Variants in CHRNA2 observed in about 807,000 individuals in gnomAD.
CHRNA2 encodes neuronal acetylcholine receptor subunit alpha-2.
CHRNA2 carries 40 observed loss-of-function variants against 45.5 expected under a neutral mutation model. That is an observed-to-expected ratio of 0.88 (90% CI 0.68 to 1.15). CHRNA2 has a LOEUF of 1.15. Among genes scored for constraint, CHRNA2 ranks in the 50% most tolerant of loss-of-function variants. The probability of loss-of-function intolerance (pLI) is 0.00; values close to 1 mark genes in which losing one functional copy is unlikely to be tolerated. For missense variants in CHRNA2, 655 were observed against 701.7 expected, an observed-to-expected ratio of 0.93 and a Z score of 0.75; for synonymous variants, 301 against 296.7, an observed-to-expected ratio of 1.01 and a Z score of -0.15.
At chr8:27,469,692 G>T in intron 3 of CHRNA2, 69 bp downstream of exon 3, 1 of 1,579,226 alleles carries the variant, frequency 6.3e-7, no homozygotes, top group Non-Finnish European at 8.7e-7. Context: ...GTAGAGGAAG[G>T]AGCAGGGGGA....
At position 27,469,574 on chromosome 8, in the gene CHRNA2, T is replaced by A. The variant is rs375118890; in HGVS notation, c.294+187A>T. The A allele has an allele frequency of 1.7e-5, 15 of 873,474 alleles. No homozygotes were observed. The South Asian group carries it at 2.1e-4, about 13-fold the overall frequency. 54.1% of individuals were successfully genotyped at this position (873,474 alleles called of 1,614,324 possible). ...CAGGCACTGCTGCCAATCAATGCCC[T>A]CCTAGGAGGGAGCTCCAGAGCTGGG... On this transcript the variant is annotated intron_variant, in intron 3 of 6. Transcript: ENST00000407991.
chr8:27,463,122 G>T lies in CHRNA2; in HGVS notation c.1321C>A (p.His441Asn). Residue 441 changes from histidine to asparagine, a missense_variant, in exon 6 of 7, where the codon CAC becomes AAC. His to Asn is a moderately conservative substitution (Grantham distance 68). Transcript: ENST00000407991. This position sits in a 1 kb window ranked among gnomAD's most constrained non-coding sequence, Gnocchi z 6.1. ...GGACCTGAGGCCCCAGAGTGCAGGT[G>T]GCCGTGGCTGCAGAGGGTGCCCACA... ...PSVGTLCSHG[H>N]LHSGASGPKA... The T allele has an allele frequency of 6.2e-7, 1 of 1,608,114 alleles. No individual in the cohort carries two copies. The highest frequency in any genetic ancestry group is 8.5e-7 in the Non-Finnish European group (1 of 1,175,046).
At position 27,476,995 on chromosome 8, in the gene CHRNA2, TA is replaced by T. The variant is rs61306318; in HGVS notation, c.-137+1828del. On this transcript the variant is annotated intron_variant, in intron 1 of 6. Coordinates refer to ENST00000407991, the MANE Select transcript of CHRNA2 (RefSeq NM_000742.4). ...GATATAATTATCCCTTTCATGTAAG[TA>T]AAAAAAAAAAAAAACTGATGTTCAG... is the stretch of plus-strand genomic sequence containing the variant. Among the ~76,000 whole-genome samples the T allele has an allele frequency of 1.7e-3, 211 of 120,904 alleles. 2 individuals carry two copies. Among genetic ancestry groups the T allele is most frequent in the South Asian group, 0.014 (51 of 3,678 alleles). The allele number at this position is 120,904 out of a possible 152,430, so 79.3% of individuals were successfully genotyped here. A position where few individuals can be genotyped will look rare whatever the true frequency, so the allele number is the denominator to read the frequency against.
At chr8:27,467,405 C>T in intron 4 of CHRNA2, 67 bp from the exon 5 acceptor site, 1 of 1,290,142 alleles carries the variant, frequency 7.8e-7, no homozygotes, top group Non-Finnish European at 1.1e-6. Context: ...AGCTAGCACA[C>T]CCCGGGGATG....
Position 27,462,996 on chromosome 8 carries a change from C to T in CHRNA2, c.1447G>A (p.Glu483Lys), listed in dbSNP as rs755338508. 7 of 1,614,126 alleles carry T rather than the reference C, an allele frequency of 4.3e-6. No homozygotes were observed. Among genetic ancestry groups the T allele is most frequent in the Non-Finnish European group, 5.9e-6 (7 of 1,180,042 alleles). ...VHYIADHLRSEDADSSVKEDW... is the reference protein window; with the variant it reads ...VHYIADHLRSKDADSSVKEDW... ...CAACGCACCGAAGAGTCAGCATCCT[C>T]AGACCGCAGGTGGTCGGCAATGTAG... The change falls in exon 6 of 7, where the codon GAG (glutamate) becomes AAG (lysine). Residue 483 changes from glutamate to lysine, a missense_variant. Physicochemically the swap from Glu to Lys is moderately conservative, Grantham distance 56. Coordinates refer to ENST00000407991, the MANE Select transcript of CHRNA2 (RefSeq NM_000742.4).
Position 27,461,694 on chromosome 8 carries a change from T to TA in CHRNA2, c.1524dup (p.Ile509TyrfsTer36), listed in dbSNP as rs775950981. The TA allele has an allele frequency of 6.2e-7, 1 of 1,614,150 alleles. No individual in the cohort carries two copies. Among genetic ancestry groups the TA allele is most frequent in the East Asian group, 2.2e-5 (1 of 44,884 alleles). On this transcript the variant is annotated frameshift_variant, in exon 7 of 7. Transcript: ENST00000407991. LOFTEE classifies it high-confidence loss of function. ...ATGGTCCCCAGGAAGCAGACGATGA[T>TA]AAACAGCCAGAGGAAGATCCTGTCG...
At position 27,463,375 on chromosome 8, in the gene CHRNA2, G is replaced by C. The variant is rs745774113; in HGVS notation, c.1068C>G (p.Ser356=). The C allele has an allele frequency of 6.2e-7, 1 of 1,614,116 alleles. No individual in the cohort carries two copies. Among genetic ancestry groups the C allele is most frequent in the South Asian group, 1.1e-5 (1 of 91,086 alleles). ...AGTGGGGCATGGTGTGGGTGCTGGGGGAGCGGTGGTGCACATTGAGCACGA... is the reference window on the plus strand; with the variant it reads ...AGTGGGGCATGGTGTGGGTGCTGGGCGAGCGGTGGTGCACATTGAGCACGA... ...TVFVLNVHHR[S]PSTHTMPHWV... is the part of the protein sequence containing the mutation. Residue 356 remains serine, a synonymous_variant, in exon 6 of 7, where the codon TCC becomes TCG. Transcript: ENST00000407991. This position sits in a 1 kb window ranked among gnomAD's most constrained non-coding sequence, Gnocchi z 6.1.
In CHRNA2 at chr8:27,469,332, C is replaced by T; in HGVS notation, c.339+3G>A. 1 of 1,555,092 alleles carries T rather than the reference C, an allele frequency of 6.4e-7. No homozygotes were observed. The highest frequency in any genetic ancestry group is 8.7e-7 in the Non-Finnish European group (1 of 1,148,718). On this transcript the variant is annotated splice_donor_region_variant and intron_variant, in intron 4 of 6. Transcript: ENST00000407991. ...ACCTGGACTGGAGGAGGGGGGCCCT[C>T]ACCTGTTTTAGCCAGACGTTGGTGG...
chr8:27,472,789 G>A (rs1482239283), intron 1 of CHRNA2, among the ~76,000 whole-genome samples: 2 of 151,974 alleles, frequency 1.3e-5, no homozygotes, highest in African/African-American at 4.8e-5. Flanking sequence ...CTTTAAATGG[G>A]GGAATTTTAT....
intron 1 of CHRNA2, among the ~76,000 whole-genome samples, chr8:27,475,796 G>A (rs116051508): frequency 6.6e-6 from 1 of 152,190 alleles, no homozygotes; most frequent in Non-Finnish European, 1.5e-5. Context: ...TAGGAAATGG[G>A]ATCGCTACAT....
intron 5 of CHRNA2, among the ~76,000 whole-genome samples, chr8:27,464,229 A>G (rs1054764289): frequency 6.6e-6 from 1 of 152,182 alleles, no homozygotes; most frequent in Non-Finnish European, 1.5e-5. Flanking sequence ...GAATAGAAGG[A>G]AGTACCAAGA....
chr8:27,463,916 G>T lies in CHRNA2; in HGVS notation c.527C>A (p.Pro176Gln), dbSNP rs769273715. 6 of 1,614,108 alleles carry T rather than the reference G, an allele frequency of 3.7e-6. No homozygotes were observed. The Admixed American group carries it at 1.0e-4, about 27-fold the overall frequency. Residue 176 changes from proline (P) to glutamine (Q), a missense_variant, in exon 6 of 7, where the codon CCG becomes CAG. By Grantham distance (76) the Pro-to-Gln change is moderately conservative (BLOSUM62 -1). Coordinates refer to ENST00000407991, the MANE Select transcript of CHRNA2 (RefSeq NM_000742.4). This position sits in a 1 kb window ranked among gnomAD's most constrained non-coding sequence, Gnocchi z 6.1. Reference protein sequence around the residue: ...FSTGTVHWVPPAIYKSSCSID... With the variant: ...FSTGTVHWVPQAIYKSSCSID... ...GCTGCAGGAGCTCTTGTAGATGGCC[G>T]GGGGCACCCAGTGCACAGTGCCCGT...
At chr8:27,469,404 C>A in intron 3 of CHRNA2, 25 bp from the exon 4 acceptor site, 1 of 1,552,888 alleles carries the variant, frequency 6.4e-7, no homozygotes, top group Middle Eastern at 1.7e-4. Context: ...GACAGAGGAG[C>A]AATTAAAGGG....
Position 27,463,172 on chromosome 8 carries a change from G to A in CHRNA2, c.1271C>T (p.Ala424Val). The A allele has an allele frequency of 6.3e-7, 1 of 1,597,406 alleles. No homozygotes were observed. The highest frequency in any genetic ancestry group is 1.3e-5 in the African/African-American group (1 of 74,814). ...AGAGGGGGCCACATGACCTGCACAT[G>A]CCCATCTGTCCTCCTCCTCCACCAC... ...EVVVEEEDRW[A>V]CAGHVAPSVG... is the part of the protein sequence containing the mutation. The change falls in exon 6 of 7, where the codon GCA becomes GTA. Residue 424 changes from alanine to valine, a missense_variant. Physicochemically the swap from Ala to Val is moderately conservative, Grantham distance 64. This residue lies in a region of CHRNA2 where 295 missense variants were observed against 280.4 expected (regional missense o/e 1.05). Transcript: ENST00000407991. This position sits in a 1 kb window ranked among gnomAD's most constrained non-coding sequence, Gnocchi z 6.1.
At position 27,469,347 on chromosome 8, in the gene CHRNA2, G is replaced by A. The variant is rs1315437464; in HGVS notation, c.327C>T (p.Val109=). 1 of 1,556,598 alleles carries A rather than the reference G, an allele frequency of 6.4e-7. No individual in the cohort carries two copies. Among genetic ancestry groups the A allele is most frequent in the Non-Finnish European group, 8.7e-7 (1 of 1,149,412 alleles). Residue 109 remains valine, a synonymous_variant, in exon 4 of 7, where the codon GTC becomes GTT. Transcript: ENST00000407991. Reference sequence around the variant, plus strand: ...GGGGGGCCCTCACCTGTTTTAGCCAGACGTTGGTGGTCATCATTTGGTTCT... The same window carrying A: ...GGGGGGCCCTCACCTGTTTTAGCCAAACGTTGGTGGTCATCATTTGGTTCT... ...DEKNQMMTTN[V]WLKQEWSDYK...
At chr8:27,462,908 C>G in intron 6 of CHRNA2, 71 bp downstream of exon 6, 2 of 1,599,626 alleles carry the variant, frequency 1.3e-6, no homozygotes, top group East Asian at 2.2e-5. Flanking sequence ...AGCTCACACT[C>G]TGCGGTAAGG....
chr8:27,463,900 G>A lies in CHRNA2; in HGVS notation c.543C>T (p.Ser181=), dbSNP rs768575325. Residue 181 remains serine, a synonymous_variant, in exon 6 of 7, where the codon AGC becomes AGT. Transcript: ENST00000407991. This position sits in a 1 kb window ranked among gnomAD's most constrained non-coding sequence, Gnocchi z 6.1. ...VHWVPPAIYK[S]SCSIDVTFFP... The stretch of plus-strand genomic sequence containing the variant: ...AGAAGGTGACGTCGATGCTGCAGGA[G>A]CTCTTGTAGATGGCCGGGGGCACCC... 6 of 1,614,226 alleles carry A rather than the reference G, an allele frequency of 3.7e-6. No homozygotes were observed. The highest frequency in any genetic ancestry group is 2.2e-5 in the South Asian group (2 of 91,086).
chr8:27,463,046 A>C lies in CHRNA2; in HGVS notation c.1397T>G (p.Met466Arg). The C allele has an allele frequency of 6.2e-7, 1 of 1,613,830 alleles. No homozygotes were observed. The highest frequency in any genetic ancestry group is 8.5e-7 in the Non-Finnish European group (1 of 1,179,768). Residue 466 changes from methionine (M) to arginine (R), a missense_variant, in exon 6 of 7, where the codon ATG becomes AGG. Transcript: ENST00000407991. The surrounding 1 kb of genome is among the most constrained non-coding windows in gnomAD (Gnocchi z 6.1). ...GTGCACACCTTCCAGTGCCTTCTGC[A>C]TGTGGGGTGATAGCAGCAGCTCACC... ...QEGELLLSPH[M>R]QKALEGVHYI...
chr8:27,461,864 CA>C, intron 6 of CHRNA2, 110 bp from the exon 7 acceptor site: 1 of 1,491,818 alleles, frequency 6.7e-7, no homozygotes, highest in Non-Finnish European at 9.3e-7. Context: ...GCAACTGCCC[CA>C]CAGAGACCTT....
Sources: allele counts gnomAD v4.1 joint callset (sites outside exome capture counted in the v4.1 genomes callset), GRCh38; gene constraint gnomAD v4.1.1; regional missense constraint gnomAD v4.1.1; non-coding constraint Gnocchi (gnomAD v3.1); transcripts MANE v1.5; gene names NCBI Gene and HGNC (gene_info 2026-07-23, HGNC 2026-07-21).